The following RELN variants were observed in gnomAD, a reference collection of about 807,000 sequenced individuals.
The protein encoded by RELN is reelin.
In RELN, 108 loss-of-function variants were observed where a neutral mutation model predicts 427.6. The ratio of observed to expected loss-of-function variants is 0.25; its 90% CI spans 0.22 to 0.30. The LOEUF is 0.30. Ranked by LOEUF, RELN falls within the 10% of genes least tolerant of loss-of-function variation. RELN has a pLI of 1.00. For synonymous variants in RELN, 1,524 were observed against 1,513.4 expected, an observed-to-expected ratio of 1.01 and a Z score of -0.16; for missense variants, 3,715 against 4,302.8, an observed-to-expected ratio of 0.86 and a Z score of 3.82.
At chr7:103,874,481 C>T (rs1431806339) in intron 2 of RELN, among the ~76,000 whole-genome samples, 1 of 144,840 alleles carries the variant, frequency 6.9e-6, no homozygotes, top group Non-Finnish European at 1.5e-5. Context: ...CCAAAATCTC[C>T]TTAAGCTGAT....
intron 2 of RELN, among the ~76,000 whole-genome samples, chr7:103,836,216 T>C (rs2116417031): frequency 6.6e-6 from 1 of 152,234 alleles, no homozygotes; most frequent in East Asian, 1.9e-4. Context: ...CACCTTGGCC[T>C]CCCAAAATGC....
intron 28 of RELN, among the ~76,000 whole-genome samples, chr7:103,579,822 T>G (rs3025951): frequency 0.012 from 1,805 of 152,286 alleles, 35 homozygotes; most frequent in African/African-American, 0.041. Context: ...TGATGTTGCA[T>G]CTGCTTCTCA....
At chr7:103,625,232 T>C (rs1832304669) in intron 20 of RELN, among the ~76,000 whole-genome samples, 1 of 152,208 alleles carries the variant, frequency 6.6e-6, no homozygotes, top group South Asian at 2.1e-4. Flanking sequence ...TATGATAACA[T>C]ATTCAGTGTT....
chr7:103,552,273 A>G (rs543991513), intron 40 of RELN, among the ~76,000 whole-genome samples: 37 of 152,276 alleles, frequency 2.4e-4, no homozygotes, highest in African/African-American at 8.4e-4. Flanking sequence ...TCCCCTCTCC[A>G]ATTGAGATGA....
At chr7:103,519,789 G>T (rs1346733124) in intron 48 of RELN, among the ~76,000 whole-genome samples, 1 of 152,028 alleles carries the variant, frequency 6.6e-6, no homozygotes, top group Non-Finnish European at 1.5e-5. Context: ...TGTCCAGGCT[G>T]GTCTTAACTC....
chr7:103,963,933 C>T (rs1303028565), intron 1 of RELN, among the ~76,000 whole-genome samples: 1 of 151,936 alleles, frequency 6.6e-6, no homozygotes, highest in East Asian at 1.9e-4. Flanking sequence ...AAAGTTGAAG[C>T]GAGAGGACAG....
At chr7:103,883,637 T>C (rs1233520993) in intron 2 of RELN, among the ~76,000 whole-genome samples, 4 of 152,104 alleles carry the variant, frequency 2.6e-5, no homozygotes, top group Non-Finnish European at 1.5e-5. Flanking sequence ...TAAACACCAA[T>C]AAAAGACAAA....
intron 63 of RELN, among the ~76,000 whole-genome samples, chr7:103,478,987 T>C (rs1248214565): frequency 1.3e-5 from 2 of 152,200 alleles, no homozygotes; most frequent in African/African-American, 4.8e-5. Context: ...TTTAAGACCA[T>C]AGTTAGCAAC....
At chr7:103,950,349 T>C (rs991086831) in intron 1 of RELN, among the ~76,000 whole-genome samples, 3 of 152,116 alleles carry the variant, frequency 2.0e-5, no homozygotes, top group African/African-American at 7.2e-5. Flanking sequence ...AATTAACACA[T>C]TATAATTTAA....
In RELN at chr7:103,596,619, A is replaced by C. The variant is rs1456065039; in HGVS notation, c.3376T>G (p.Trp1126Gly). 3 of 1,614,062 alleles carry C rather than the reference A, an allele frequency of 1.9e-6. No homozygotes were observed. Among genetic ancestry groups the C allele is most frequent in the Non-Finnish European group, 2.5e-6 (3 of 1,179,938 alleles). ...ATGTAGAACTGGACAAAGTCCACCC[A>C]AGAAGTATCCAGGTCCCAACTCACC... The part of the protein sequence containing the change: ...QLVSWDLDTS[W>G]VDFVQFYIQI... The change falls in exon 25 of 65, where the codon TGG becomes GGG. Residue 1126 changes from tryptophan to glycine, a missense_variant. Coordinates refer to ENST00000428762, the MANE Select transcript of RELN (RefSeq NM_005045.4).
chr7:103,889,177 C>A (rs182631576), intron 2 of RELN, among the ~76,000 whole-genome samples: 1 of 152,306 alleles, frequency 6.6e-6, no homozygotes, highest in East Asian at 1.9e-4. Flanking sequence ...ACCCTAAGAT[C>A]CCAGACTGCT....
At chr7:103,950,132 T>G (rs1796304453) in intron 1 of RELN, among the ~76,000 whole-genome samples, 1 of 152,286 alleles carries the variant, frequency 6.6e-6, no homozygotes, top group South Asian at 2.1e-4. Context: ...CCTAACATGA[T>G]GGAAGGGCTA....
chr7:103,526,120 G>C (rs934694371), intron 46 of RELN, among the ~76,000 whole-genome samples: 4 of 152,234 alleles, frequency 2.6e-5, no homozygotes, highest in Non-Finnish European at 4.4e-5. Flanking sequence ...TGGCAGCCGA[G>C]AGGTGGCATG....
chr7:103,518,321 C>T (rs2906634), intron 49 of RELN, among the ~76,000 whole-genome samples: 71,342 of 144,136 alleles, frequency 0.49, 19,940 homozygotes, highest in East Asian at 0.81. Flanking sequence ...GGATTATCTA[C>T]GTTTCCTTTT....
chr7:103,757,415 T>C (rs1392010265), intron 4 of RELN, among the ~76,000 whole-genome samples: 2 of 152,188 alleles, frequency 1.3e-5, no homozygotes, highest in Non-Finnish European at 2.9e-5. Context: ...ACTGATTTTC[T>C]GTCTCTCCCA....
chr7:103,955,236 A>G (rs541268485), intron 1 of RELN, among the ~76,000 whole-genome samples: 10 of 152,312 alleles, frequency 6.6e-5, no homozygotes, highest in Non-Finnish European at 1.5e-4. Context: ...CTGGACCCCA[A>G]TTTAATAAAC....
intron 9 of RELN, among the ~76,000 whole-genome samples, chr7:103,700,116 G>GA (rs1281820552): frequency 1.3e-5 from 2 of 151,966 alleles, no homozygotes; most frequent in Non-Finnish European, 2.9e-5. Flanking sequence ...AAACTGATAA[G>GA]AAAATATTCT....
chr7:103,727,139 C>G (rs1427363536), intron 7 of RELN, among the ~76,000 whole-genome samples: 1 of 152,100 alleles, frequency 6.6e-6, no homozygotes. Flanking sequence ...ATCTAGGCAC[C>G]CCCTGCCCCA....
At chr7:103,593,120 A>C (rs1762744121) in intron 27 of RELN, among the ~76,000 whole-genome samples, 1 of 152,188 alleles carries the variant, frequency 6.6e-6, no homozygotes, top group African/African-American at 2.4e-5. Flanking sequence ...TTTTATTATA[A>C]ACACAATGAA....
Sources: allele counts gnomAD v4.1 joint callset (sites outside exome capture counted in the v4.1 genomes callset), GRCh38; gene constraint gnomAD v4.1.1; transcripts MANE v1.5; gene names NCBI Gene and HGNC (gene_info 2026-07-23, HGNC 2026-07-21).